The following ARID3A variants were observed in gnomAD, a reference collection of about 807,000 sequenced individuals.
ARID3A encodes AT-rich interaction domain 3A.
In ARID3A, 11 loss-of-function variants were observed where a neutral mutation model predicts 52.7. That is an observed-to-expected ratio of 0.21 (90% CI 0.13 to 0.35). The LOEUF is 0.35. ARID3A is among the 10% of genes least tolerant of loss of function. The pLI is 1.00. For missense variants in ARID3A, 721 were observed against 838.5 expected, an observed-to-expected ratio of 0.86 and a Z score of 1.73; for synonymous variants, 404 against 359.4, an observed-to-expected ratio of 1.12 and a Z score of -1.40.
In ARID3A at chr19:930,412, C is replaced by T. The variant is rs564915035; in HGVS notation, c.368+516C>T. On this transcript the variant is annotated intron_variant, in intron 2 of 8. Transcript: ENST00000263620. ...ACTAAAAATACAAAAATTAGCCAGG[C>T]GTGGTGGCAGAAGCCTGTAAACCCA... 9.5e-4 allele frequency among the ~76,000 whole-genome samples: 138 copies of T among 144,756 alleles called. 4 individuals carry two copies. The South Asian group carries it at 0.028, about 30-fold the overall frequency. 95.0% of individuals were successfully genotyped at this position (144,756 alleles called of 152,430 possible).
intron 3 of ARID3A, among the ~76,000 whole-genome samples, chr19:934,208 G>T (rs1039036952): frequency 6.6e-6 from 1 of 152,186 alleles, no homozygotes; most frequent in Non-Finnish European, 1.5e-5. Context: ...CGAGAGGGAG[G>T]GTCAAGGCCC....
At chr19:955,172 G>T (rs1420378597) in intron 3 of ARID3A, among the ~76,000 whole-genome samples, 3 of 152,068 alleles carry the variant, frequency 2.0e-5, no homozygotes, top group Non-Finnish European at 4.4e-5. Flanking sequence ...GGCCCACAAG[G>T]GGGGCCTGGA....
chr19:945,875 G>T (rs2034337660), intron 3 of ARID3A, among the ~76,000 whole-genome samples: 1 of 152,186 alleles, frequency 6.6e-6, no homozygotes, highest in Admixed American at 6.5e-5. Context: ...CTCCCACCAG[G>T]TGCCTCTTTC....
intron 4 of ARID3A, among the ~76,000 whole-genome samples, chr19:962,202 C>A (rs1195664932): frequency 6.6e-6 from 1 of 152,192 alleles, no homozygotes; most frequent in African/African-American, 2.4e-5. Flanking sequence ...TCACAATCTT[C>A]CTCTCCTTCA....
intron 6 of ARID3A, among the ~76,000 whole-genome samples, chr19:965,944 A>G (rs181730201): frequency 6.0e-5 from 9 of 150,436 alleles, no homozygotes; most frequent in African/African-American, 1.2e-4. Flanking sequence ...GTGAGCCAAG[A>G]TCACGTCACT....
At chr19:966,486 GAAA>G (rs2038158999) in intron 6 of ARID3A, 83 bp from the exon 7 acceptor site, 2 of 966,486 alleles carry the variant, frequency 2.1e-6, no homozygotes, top group Non-Finnish European at 2.9e-6. Flanking sequence ...GAAAAGAAAA[GAAA>G]AAAGAAGGTG....
chr19:968,338 A>T, intron 7 of ARID3A, 67 bp from the exon 8 acceptor site: 1 of 1,413,798 alleles, frequency 7.1e-7, no homozygotes, highest in Non-Finnish European at 9.7e-7. Flanking sequence ...CAGCCTGGGC[A>T]ACAGAGCAAG....
At chr19:968,598 C>T (rs547405769) in intron 8 of ARID3A, 95 bp downstream of exon 8, 2 of 1,205,590 alleles carry the variant, frequency 1.7e-6, no homozygotes, top group African/African-American at 1.5e-5. Context: ...CCTGCTTGAA[C>T]CTAGGTGTGC....
chr19:955,796 G>T (rs1451563672), intron 3 of ARID3A, among the ~76,000 whole-genome samples: 1 of 152,204 alleles, frequency 6.6e-6, no homozygotes, highest in African/African-American at 2.4e-5. Flanking sequence ...AGGGCCCAAG[G>T]TGTGCTGGCC....
chr19:931,343 C>G (rs1438726271), intron 2 of ARID3A, among the ~76,000 whole-genome samples: 4 of 151,370 alleles, frequency 2.6e-5, no homozygotes, highest in African/African-American at 2.4e-5. Flanking sequence ...ATCCCAGCTA[C>G]TCAGGAGGCT....
intron 3 of ARID3A, among the ~76,000 whole-genome samples, chr19:949,350 C>T (rs2037756205): frequency 6.6e-6 from 1 of 151,986 alleles, no homozygotes; most frequent in Non-Finnish European, 1.5e-5. Flanking sequence ...AGCCTCTGCC[C>T]CGGGCCTCCG....
At chr19:967,055 C>T (rs2079619) in intron 7 of ARID3A, among the ~76,000 whole-genome samples, 187 bp downstream of exon 7, 5,272 of 151,756 alleles carry the variant, frequency 0.035, 129 homozygotes, top group Admixed American at 0.078. Flanking sequence ...GTCAGGAGTT[C>T]GAGATCAGCC....
chr19:935,204 G>A (rs973833655), intron 3 of ARID3A, among the ~76,000 whole-genome samples: 1 of 152,184 alleles, frequency 6.6e-6, no homozygotes, highest in Non-Finnish European at 1.5e-5. Context: ...GCAAATCCTC[G>A]ACAGCTGTGA....
At chr19:943,291 G>A (rs2037596034) in intron 3 of ARID3A, among the ~76,000 whole-genome samples, 1 of 151,722 alleles carries the variant, frequency 6.6e-6, no homozygotes, top group Non-Finnish European at 1.5e-5. Flanking sequence ...AAAAGGACGG[G>A]CGCGCAGTGT....
At chr19:946,771 C>T (rs1012626073) in intron 3 of ARID3A, among the ~76,000 whole-genome samples, 3 of 151,486 alleles carry the variant, frequency 2.0e-5, no homozygotes, top group Non-Finnish European at 4.4e-5. Flanking sequence ...CCAAAGGCTT[C>T]AAAACTAAAA....
At position 929,756 on chromosome 19, in the gene ARID3A, C is replaced by T; in HGVS notation, c.228C>T (p.Ala76=). The T allele has an allele frequency of 1.3e-6, 2 of 1,553,104 alleles. No homozygotes were observed. Among genetic ancestry groups the T allele is most frequent in the African/African-American group, 2.7e-5 (2 of 73,984 alleles). The change falls in exon 2 of 9, where the codon GCC becomes GCT. Residue 76 remains alanine, a synonymous_variant. Coordinates refer to ENST00000263620, the MANE Select transcript of ARID3A (RefSeq NM_005224.3). The surrounding 1 kb of genome is among the most constrained non-coding windows in gnomAD (Gnocchi z 6.2). ...RAAAAGLGHP[A]SPGGSEDGPP... is the part of the protein sequence containing the mutation. ...CAGCTGCGGGCCTGGGACACCCAGC[C>T]AGCCCCGGCGGCTCTGAGGATGGGC...
chr19:953,154 C>T lies in ARID3A; in HGVS notation c.694-6938C>T, dbSNP rs531972243. On this transcript the variant is annotated intron_variant, in intron 3 of 8. Coordinates refer to ENST00000263620, the MANE Select transcript of ARID3A (RefSeq NM_005224.3). ...TGGTTCTAGGGGTGGTCCGGGCAGC[C>T]GGGGAACCCCCTCCCCACTCCCAGG... Among the ~76,000 whole-genome samples, 179 of 152,130 alleles carry T rather than the reference C, an allele frequency of 1.2e-3. 1 individual carries two copies. The highest frequency in any genetic ancestry group is 3.9e-3 in the South Asian group (19 of 4,826).
rs1211447084 is a variant in ARID3A, at chr19:964,381, C to T, written c.900C>T (p.Gly300=). ...NKKLWREITK[G]LNLPTSITSA... is the part of the protein sequence containing the mutation. Reference sequence around the variant, plus strand: ...AGCTGTGGCGTGAGATCACCAAGGGCCTCAACCTGCCCACGTCCATCACCA... The same window carrying T: ...AGCTGTGGCGTGAGATCACCAAGGGTCTCAACCTGCCCACGTCCATCACCA... The change falls in exon 5 of 9, where the codon GGC becomes GGT. Residue 300 remains glycine, a synonymous_variant. Coordinates refer to ENST00000263620, the MANE Select transcript of ARID3A (RefSeq NM_005224.3). The surrounding 1 kb of genome is among the most constrained non-coding windows in gnomAD (Gnocchi z 5.7). The T allele has an allele frequency of 6.2e-6, 10 of 1,612,724 alleles. No individual in the cohort carries two copies. The highest frequency in any genetic ancestry group is 1.3e-5 in the African/African-American group (1 of 74,870).
intron 8 of ARID3A, among the ~76,000 whole-genome samples, chr19:971,440 C>T (rs533818067): frequency 2.0e-5 from 3 of 152,082 alleles, no homozygotes; most frequent in South Asian, 2.1e-4. Flanking sequence ...GGTGAAACTC[C>T]GTCTGTACTA....
Sources: gnomAD v4.1 joint callset for allele counts (sites outside exome capture counted in the v4.1 genomes callset) on GRCh38, gnomAD v4.1.1 for gene constraint, Gnocchi (gnomAD v3.1) non-coding constraint, MANE v1.5 for transcripts, NCBI Gene and HGNC (gene_info 2026-07-23, HGNC 2026-07-21) for gene names.